ASIC2: variants seen among roughly 807,000 people sequenced by gnomAD.
The protein encoded by ASIC2 is acid sensing ion channel subunit 2.
In ASIC2, 25 loss-of-function variants were observed where a neutral mutation model predicts 57.3. The observed-to-expected ratio is 0.44, with a 90% CI of 0.32 to 0.61. The LOEUF (loss-of-function observed/expected upper bound fraction) is 0.61, where lower values mean the gene tolerates loss of function less well. ASIC2 is among the 20% of genes least tolerant of loss of function. The pLI, the probability that ASIC2 is intolerant of heterozygous loss-of-function variation, is 0.06. For missense variants in ASIC2, 641 were observed against 738.1 expected (o/e 0.87, Z 1.52); for synonymous variants, 319 against 307.5 (o/e 1.04, Z -0.39).
chr17:34,047,600 C>T (rs377329699), intron 1 of ASIC2, among the ~76,000 whole-genome samples: 82 of 150,538 alleles, frequency 5.4e-4, no homozygotes, highest in Non-Finnish European at 8.6e-4. Context: ...ATGCCCTTTG[C>T]GGCATGACTT....
At chr17:33,017,199 G>T (rs2091811018) in intron 8 of ASIC2, among the ~76,000 whole-genome samples, 2 of 152,212 alleles carry the variant, frequency 1.3e-5, no homozygotes, top group South Asian at 4.1e-4. Flanking sequence ...TAGAGGGCAG[G>T]TGTGTGTGGG....
intron 1 of ASIC2, among the ~76,000 whole-genome samples, chr17:33,758,819 C>A (rs1464430616): frequency 6.6e-6 from 1 of 151,706 alleles, no homozygotes; most frequent in Non-Finnish European, 1.5e-5. Flanking sequence ...TTACCTTGGA[C>A]TTCTCAGCTT....
At chr17:33,855,772 A>G (rs998236163) in intron 1 of ASIC2, among the ~76,000 whole-genome samples, 27 of 152,148 alleles carry the variant, frequency 1.8e-4, no homozygotes, top group Non-Finnish European at 2.9e-4. Context: ...GGAAGAGATG[A>G]AAGATTGGGA....
chr17:33,373,829 C>A (rs1281102532), intron 1 of ASIC2, among the ~76,000 whole-genome samples: 3 of 152,088 alleles, frequency 2.0e-5, no homozygotes, highest in African/African-American at 4.8e-5. Context: ...CAGAGGCCCA[C>A]CACCATGCTG....
intron 1 of ASIC2, among the ~76,000 whole-genome samples, chr17:34,078,653 T>G (rs1276074601): frequency 6.6e-6 from 1 of 152,138 alleles, no homozygotes; most frequent in African/African-American, 2.4e-5. Flanking sequence ...CTGGGGGCAC[T>G]TGGGGGAAAC....
intron 1 of ASIC2, among the ~76,000 whole-genome samples, chr17:33,495,876 A>G (rs1398458716): frequency 6.6e-6 from 1 of 152,202 alleles, no homozygotes; most frequent in Non-Finnish European, 1.5e-5. Context: ...CAGAGTTCTC[A>G]GGATGGATTT....
At chr17:33,104,529 AC>A (rs2092227477) in intron 2 of ASIC2, among the ~76,000 whole-genome samples, 1 of 152,186 alleles carries the variant, frequency 6.6e-6, no homozygotes, top group African/African-American at 2.4e-5. Context: ...GAGAAAGCAA[AC>A]GGGGGTTTCC....
intron 1 of ASIC2, among the ~76,000 whole-genome samples, chr17:33,449,673 TAC>T (rs1384923006): frequency 1.2e-4 from 18 of 152,204 alleles, no homozygotes; most frequent in Admixed American, 6.5e-5. Context: ...AAATTTCCTA[TAC>T]ATAAAGCGTT....
At chr17:33,475,755 C>T (rs1165521106) in intron 1 of ASIC2, among the ~76,000 whole-genome samples, 1 of 152,208 alleles carries the variant, frequency 6.6e-6, no homozygotes, top group Non-Finnish European at 1.5e-5. Flanking sequence ...TGAGGGAAAG[C>T]AAGCGGCCTT....
intron 1 of ASIC2, among the ~76,000 whole-genome samples, chr17:33,873,684 T>C (rs1485022155): frequency 6.6e-6 from 1 of 152,234 alleles, no homozygotes; most frequent in Non-Finnish European, 1.5e-5. Flanking sequence ...AAGCACCCAA[T>C]GCAAACTTTC....
intron 1 of ASIC2, among the ~76,000 whole-genome samples, chr17:34,122,463 C>T (rs912428109): frequency 3.3e-5 from 5 of 152,232 alleles, no homozygotes; most frequent in African/African-American, 1.2e-4. Flanking sequence ...CTCCCCAGTT[C>T]CACCTGCCAC....
chr17:33,482,874 G>A (rs1913452308), intron 1 of ASIC2, among the ~76,000 whole-genome samples: 1 of 152,194 alleles, frequency 6.6e-6, no homozygotes, highest in African/African-American at 2.4e-5. Context: ...AACAGATGGT[G>A]GAAACACACC....
chr17:34,011,580 C>G (rs1002653388), intron 1 of ASIC2, among the ~76,000 whole-genome samples: 12 of 152,128 alleles, frequency 7.9e-5, no homozygotes, highest in African/African-American at 2.9e-4. Context: ...TCTCTCCTTC[C>G]CTTTGCCGCT....
At chr17:33,879,851 G>T (rs1409408879) in intron 1 of ASIC2, among the ~76,000 whole-genome samples, 1 of 152,182 alleles carries the variant, frequency 6.6e-6, no homozygotes, top group African/African-American at 2.4e-5. Flanking sequence ...CCACATAGTT[G>T]GAAGTAAAGC....
chr17:34,084,058 T>G (rs550735083), intron 1 of ASIC2, among the ~76,000 whole-genome samples: 220 of 152,152 alleles, frequency 1.4e-3, no homozygotes, highest in African/African-American at 5.2e-3. Context: ...TGGCTTTTGT[T>G]GCCATTGCTT....
chr17:33,024,378 T>C (rs567258619), intron 5 of ASIC2, among the ~76,000 whole-genome samples: 19 of 152,254 alleles, frequency 1.2e-4, no homozygotes, highest in African/African-American at 4.6e-4. Flanking sequence ...TAGGAGACCA[T>C]TTTATCTGAA....
intron 1 of ASIC2, among the ~76,000 whole-genome samples, chr17:33,558,227 C>T (rs145319875): frequency 2.0e-4 from 30 of 152,124 alleles, no homozygotes; most frequent in East Asian, 1.7e-3. Context: ...ACTACCAGTC[C>T]GACCCTGTGG....
chr17:33,163,459 C>T (rs569331076), intron 1 of ASIC2, among the ~76,000 whole-genome samples: 40 of 151,964 alleles, frequency 2.6e-4, no homozygotes, highest in African/African-American at 7.0e-4. Context: ...GAGGCTGACC[C>T]CTTACCCAAT....
intron 1 of ASIC2, among the ~76,000 whole-genome samples, chr17:34,098,535 G>A (rs1207062446): frequency 6.6e-6 from 1 of 152,186 alleles, no homozygotes; most frequent in Non-Finnish European, 1.5e-5. Flanking sequence ...AGGGCCCTGG[G>A]AGACAAGTTA....
Sources: allele counts gnomAD v4.1 joint callset (sites outside exome capture counted in the v4.1 genomes callset), GRCh38; gene constraint gnomAD v4.1.1; transcripts MANE v1.5; gene names NCBI Gene and HGNC (gene_info 2026-07-23, HGNC 2026-07-21).